Variants in NDP observed in about 807,000 individuals in gnomAD.
NDP encodes the protein norrin.
A neutral mutation model predicts 8.4 loss-of-function variants in NDP; 2 were observed. That is an observed-to-expected ratio of 0.24 (90% CI 0.10 to 0.75). NDP has a LOEUF of 0.75. Among genes scored for constraint, NDP ranks in the 30% least tolerant of loss-of-function variants. The pLI is 0.73. For synonymous variants in NDP, 55 were observed against 45.6 expected (o/e 1.21, Z -0.83); for missense variants, 81 against 110.1 (o/e 0.74, Z 1.18).
intron 1 of NDP, among the ~76,000 whole-genome samples, chrX:43,970,983 C>T (rs1025469863): frequency 8.9e-6 from 1 of 111,786 alleles, no homozygotes; most frequent in Non-Finnish European, 1.9e-5. Context: ...AAGGGGAATC[C>T]CTTAATCATA....
intron 1 of NDP, among the ~76,000 whole-genome samples, chrX:43,962,984 A>G (rs969193406): frequency 8.9e-6 from 1 of 111,829 alleles, no homozygotes; most frequent in Non-Finnish European, 1.9e-5. Context: ...TCTTGGGCTG[A>G]CCTTCTGGCT....
chrX:43,964,254 G>A (rs1406292360), intron 1 of NDP, among the ~76,000 whole-genome samples: 1 of 111,676 alleles, frequency 9.0e-6, no homozygotes, highest in Non-Finnish European at 1.9e-5. Context: ...GGGTGATGGA[G>A]GAAGAAAAGA....
chrX:43,965,027 A>G (rs1334222010), intron 1 of NDP, among the ~76,000 whole-genome samples: 2 of 112,508 alleles, frequency 1.8e-5, no homozygotes, highest in Non-Finnish European at 3.7e-5. Flanking sequence ...ATGAAGCTAT[A>G]TTGGTGGCCT....
At chrX:43,950,530 T>C (rs1467057481) in intron 2 of NDP, among the ~76,000 whole-genome samples, 1 of 107,468 alleles carries the variant, frequency 9.3e-6, no homozygotes, top group Non-Finnish European at 1.9e-5. Context: ...AGTTTCTGAA[T>C]AAGAAAATAG....
At chrX:43,968,636 G>A (rs1325318794) in intron 1 of NDP, among the ~76,000 whole-genome samples, 1 of 112,496 alleles carries the variant, frequency 8.9e-6, no homozygotes, top group Non-Finnish European at 1.9e-5. Flanking sequence ...CAAGAAAACA[G>A]GAATGCTCTT....
At chrX:43,965,378 CA>C (rs756719318) in intron 1 of NDP, among the ~76,000 whole-genome samples, 32 of 111,135 alleles carry the variant, frequency 2.9e-4, no homozygotes, top group Non-Finnish European at 4.3e-4. Flanking sequence ...GTGATCGCAT[CA>C]CTGCACTCCA....
intron 2 of NDP, among the ~76,000 whole-genome samples, chrX:43,955,295 G>C (rs935962479): frequency 4.5e-5 from 5 of 112,130 alleles, no homozygotes; most frequent in African/African-American, 1.3e-4. Flanking sequence ...TCTATTAAAT[G>C]GCTATTATGT....
intron 1 of NDP, among the ~76,000 whole-genome samples, chrX:43,969,895 CAGGACTGGCGGG>C (rs1275882806): frequency 1.8e-5 from 2 of 111,913 alleles, no homozygotes; most frequent in African/African-American, 6.5e-5. Context: ...AGGAAGATTC[CAGGACTGGCGGG>C]AGGAGGTGGA....
intron 2 of NDP, among the ~76,000 whole-genome samples, chrX:43,950,849 C>G (rs1475025569): frequency 9.0e-6 from 1 of 111,635 alleles, no homozygotes; most frequent in Non-Finnish European, 1.9e-5. Flanking sequence ...ATGAAAACTA[C>G]CAAAGTTATC....
At chrX:43,952,682 G>A (rs1457073817) in intron 2 of NDP, among the ~76,000 whole-genome samples, 1 of 112,135 alleles carries the variant, frequency 8.9e-6, no homozygotes. Flanking sequence ...TGAAGGACAA[G>A]AACTCCAGGC....
intron 1 of NDP, among the ~76,000 whole-genome samples, chrX:43,962,943 G>C (rs756731480): frequency 8.9e-6 from 1 of 112,334 alleles, no homozygotes; most frequent in East Asian, 2.8e-4. Flanking sequence ...TCCTGGGTGA[G>C]AGATGGTGTT....
At chrX:43,970,242 G>A (rs980839781) in intron 1 of NDP, among the ~76,000 whole-genome samples, 2 of 112,099 alleles carry the variant, frequency 1.8e-5, no homozygotes, top group African/African-American at 3.2e-5. Flanking sequence ...CTGCTTCCCC[G>A]CTCTGCCTTA....
At chrX:43,954,071 G>A (rs763919416) in intron 2 of NDP, among the ~76,000 whole-genome samples, 3 of 112,212 alleles carry the variant, frequency 2.7e-5, no homozygotes, top group Non-Finnish European at 5.6e-5. Context: ...ATTTTACTCC[G>A]ACAGAGTGGA....
intron 2 of NDP, chrX:43,953,467 T>C (rs1279324719): frequency 4.4e-5 from 5 of 112,521 alleles, no homozygotes; most frequent in African/African-American, 1.6e-4. Context: ...CAGATTCCAG[T>C]TGATGTCAGT....
chrX:43,969,493 C>T (rs2035878175), intron 1 of NDP: 1 of 112,554 alleles, frequency 8.9e-6, no homozygotes, highest in African/African-American at 3.2e-5. Context: ...CATAGCGCTC[C>T]CACCCCAAGG....
At chrX:43,956,659 A>C (rs747228805) in intron 2 of NDP, among the ~76,000 whole-genome samples, 36 of 112,261 alleles carry the variant, frequency 3.2e-4, no homozygotes, top group African/African-American at 1.1e-3. Flanking sequence ...CAGGGAAGAA[A>C]GGTTTATAAT....
intron 1 of NDP, among the ~76,000 whole-genome samples, chrX:43,963,148 T>C (rs1310478057): frequency 2.7e-5 from 3 of 112,557 alleles, no homozygotes; most frequent in Non-Finnish European, 3.8e-5. Context: ...TCAATACTAA[T>C]GTATACTGAT....
At chrX:43,973,161 T>A in intron 1 of NDP, 143 bp downstream of exon 1, 1 of 112,792 alleles carries the variant, frequency 8.9e-6, no homozygotes, top group Non-Finnish European at 1.9e-5. Flanking sequence ...AATGCTAGCA[T>A]GCTACAGATT....
At chrX:43,961,595 G>A (rs776620796) in intron 1 of NDP, among the ~76,000 whole-genome samples, 208 of 111,740 alleles carry the variant, frequency 1.9e-3, no homozygotes, top group Non-Finnish European at 3.4e-3. Context: ...GGACAGGCAT[G>A]AGAGAAAGAC....
Sources: gnomAD v4.1 joint callset for allele counts (sites outside exome capture counted in the v4.1 genomes callset) on GRCh38, gnomAD v4.1.1 for gene constraint, MANE v1.5 for transcripts, NCBI Gene and HGNC (gene_info 2026-07-23, HGNC 2026-07-21) for gene names.